RUNX1: variants seen among roughly 807,000 people sequenced by gnomAD.
The protein encoded by RUNX1 is runt-related transcription factor 1.
A neutral mutation model predicts 42.8 loss-of-function variants in RUNX1; 19 were observed. The observed-to-expected ratio is 0.44, with a 90% CI of 0.31 to 0.65. The LOEUF (loss-of-function observed/expected upper bound fraction) is 0.65. RUNX1 is among the 30% of genes least tolerant of loss of function. The probability of loss-of-function intolerance (pLI) is 0.07; values close to 1 mark genes in which losing one functional copy is unlikely to be tolerated. For missense variants in RUNX1, 528 were observed against 672.0 expected, an observed-to-expected ratio of 0.79 and a Z score of 2.37; for synonymous variants, 271 against 289.4, an observed-to-expected ratio of 0.94 and a Z score of 0.64.
At chr21:35,032,360 C>T (rs1175543253) in intron 2 of RUNX1, among the ~76,000 whole-genome samples, 1 of 152,130 alleles carries the variant, frequency 6.6e-6, no homozygotes, top group Non-Finnish European at 1.5e-5. Flanking sequence ...TTCTGTTATC[C>T]CACTAGTTAC....
At chr21:34,926,423 C>T (rs1240781409) in intron 2 of RUNX1, among the ~76,000 whole-genome samples, 1 of 137,222 alleles carries the variant, frequency 7.3e-6, no homozygotes, top group Non-Finnish European at 1.5e-5. Flanking sequence ...GATCATGCCC[C>T]TGCACTCCAA....
chr21:35,035,610 G>A (rs1432494494), intron 2 of RUNX1, among the ~76,000 whole-genome samples: 1 of 152,242 alleles, frequency 6.6e-6, no homozygotes, highest in Non-Finnish European at 1.5e-5. Context: ...ACCATTGCAA[G>A]TGAATGTTAT....
intron 2 of RUNX1, among the ~76,000 whole-genome samples, chr21:34,967,003 GA>G (rs964828771): frequency 6.6e-6 from 1 of 151,882 alleles, no homozygotes; most frequent in African/African-American, 2.4e-5. Flanking sequence ...TCAGTAAGTG[GA>G]AAAAAATCTT....
At chr21:34,875,395 G>T (rs2057799877) in intron 5 of RUNX1, among the ~76,000 whole-genome samples, 1 of 152,206 alleles carries the variant, frequency 6.6e-6, no homozygotes, top group African/African-American at 2.4e-5. Flanking sequence ...TTGAGGCTTG[G>T]TATATCAGAG....
chr21:34,965,122 T>G (rs2058709528), intron 2 of RUNX1, among the ~76,000 whole-genome samples: 1 of 151,780 alleles, frequency 6.6e-6, no homozygotes, highest in Non-Finnish European at 1.5e-5. Context: ...CTCCTTTCCA[T>G]GCACTTTCAC....
At chr21:35,005,054 T>G (rs1030815773) in intron 2 of RUNX1, among the ~76,000 whole-genome samples, 6 of 152,212 alleles carry the variant, frequency 3.9e-5, no homozygotes, top group African/African-American at 1.2e-4. Context: ...CAAAAACTGC[T>G]GTCACCACTG....
chr21:34,891,899 A>G (rs954733887), intron 3 of RUNX1, among the ~76,000 whole-genome samples: 1 of 152,140 alleles, frequency 6.6e-6, no homozygotes, highest in African/African-American at 2.4e-5. Context: ...TCATTGGAAA[A>G]CAGTAACAGT....
chr21:34,938,190 T>C (rs761797496), intron 2 of RUNX1, among the ~76,000 whole-genome samples: 4 of 152,202 alleles, frequency 2.6e-5, no homozygotes, highest in Non-Finnish European at 5.9e-5. Flanking sequence ...GTATTGAATA[T>C]GATTTTTTTG....
At chr21:34,848,884 T>C (rs918338127) in intron 6 of RUNX1, among the ~76,000 whole-genome samples, 3 of 152,028 alleles carry the variant, frequency 2.0e-5, no homozygotes, top group Non-Finnish European at 4.4e-5. Context: ...GAAAATAAGG[T>C]GGTACCAGGA....
chr21:34,968,641 G>A (rs1217143750), intron 2 of RUNX1, among the ~76,000 whole-genome samples: 1 of 143,460 alleles, frequency 7.0e-6, no homozygotes. Flanking sequence ...CAACCAGTGT[G>A]CCTGGCTGCC....
intron 6 of RUNX1, among the ~76,000 whole-genome samples, chr21:34,849,396 TA>T (rs1336377313): frequency 1.8e-5 from 1 of 56,914 alleles, no homozygotes; most frequent in African/African-American, 6.9e-5. Context: ...ATATATAATA[TA>T]TTATACTATA....
In RUNX1 at chr21:34,839,405, G is replaced by A. The variant is rs998993181; in HGVS notation, c.614-4804C>T. Among the ~76,000 whole-genome samples, 4 of 152,112 alleles carry A rather than the reference G, an allele frequency of 2.6e-5. No homozygotes were observed. The East Asian group carries it at 5.8e-4, about 22-fold the overall frequency. On this transcript the variant is annotated intron_variant, in intron 6 of 8. Coordinates refer to ENST00000675419, the MANE Select transcript of RUNX1 (RefSeq NM_001754.5). ...TGTGCCTAGAAATTCAACACCCACC[G>A]ACACACACACTCGGGATGTACACTC...
chr21:34,834,525 C>T lies in RUNX1; in HGVS notation c.690G>A (p.Gln230=). 6.2e-7 allele frequency: 1 copy of T among 1,612,966 alleles called. No individual in the cohort carries two copies. Among genetic ancestry groups the T allele is most frequent in the African/African-American group, 1.3e-5 (1 of 74,868 alleles). ...SFSERLSELE[Q]LRRTAMRVSP... ...TGACCCTCATGGCTGTGCGCCGCAGCTGCTCCAGTTCACTGAGCCGCTCGG... is the reference window on the plus strand; with the variant it reads ...TGACCCTCATGGCTGTGCGCCGCAGTTGCTCCAGTTCACTGAGCCGCTCGG... The change falls in exon 7 of 9, where the codon CAG becomes CAA. Residue 230 remains glutamine, a synonymous_variant. Coordinates refer to ENST00000675419, the MANE Select transcript of RUNX1 (RefSeq NM_001754.5).
intron 6 of RUNX1, among the ~76,000 whole-genome samples, chr21:34,852,070 A>G (rs564276524): frequency 5.3e-5 from 8 of 152,334 alleles, no homozygotes; most frequent in East Asian, 1.9e-4. Context: ...CGGGAGGCTG[A>G]GGCAGGAAAA....
At chr21:35,038,572 CCTCTCTCTCT>C (rs59976658) in intron 2 of RUNX1, 9,971 of 330,498 alleles carry the variant, frequency 0.03, 201 homozygotes, top group African/African-American at 0.083. Flanking sequence ...TGAATGCTGG[CCTCTCTCTCT>C]CTCTCTCTCT....
intron 2 of RUNX1, among the ~76,000 whole-genome samples, chr21:34,922,294 C>G (rs187127605): frequency 6.6e-6 from 1 of 152,140 alleles, no homozygotes; most frequent in African/African-American, 2.4e-5. Context: ...GGTGGAGAGA[C>G]CAGAACTGAA....
chr21:34,989,595 TG>T (rs2058920862), intron 2 of RUNX1, among the ~76,000 whole-genome samples: 1 of 152,082 alleles, frequency 6.6e-6, no homozygotes. Flanking sequence ...CTAGTCTACT[TG>T]GGAAGCTCTG....
intron 2 of RUNX1, among the ~76,000 whole-genome samples, chr21:34,952,319 G>A (rs1006391470): frequency 1.3e-4 from 19 of 151,940 alleles, no homozygotes; most frequent in African/African-American, 3.4e-4. Context: ...ACCATGGCAC[G>A]TGTATACCTA....
At chr21:34,929,451 G>C (rs538998817) in intron 2 of RUNX1, among the ~76,000 whole-genome samples, 1 of 152,238 alleles carries the variant, frequency 6.6e-6, no homozygotes, top group African/African-American at 2.4e-5. Context: ...GTACATCCAG[G>C]GAGGACGCTG....
Sources: gnomAD v4.1 joint callset for allele counts (sites outside exome capture counted in the v4.1 genomes callset) on GRCh38, gnomAD v4.1.1 for gene constraint, MANE v1.5 for transcripts, NCBI Gene and HGNC (gene_info 2026-07-23, HGNC 2026-07-21) for gene names.